Variants in TMPRSS15 observed in about 807,000 individuals in gnomAD.
TMPRSS15 encodes the protein enteropeptidase.
In TMPRSS15, 128 loss-of-function variants were observed where a neutral mutation model predicts 125.3. That is an observed-to-expected ratio of 1.02 (90% confidence interval 0.89 to 1.18). TMPRSS15 has a LOEUF of 1.18. Ranked by LOEUF, TMPRSS15 falls within the 50% of genes most tolerant of loss-of-function variation. The probability of loss-of-function intolerance (pLI) is 0.00; values close to 1 mark genes in which losing one functional copy is unlikely to be tolerated. For synonymous variants in TMPRSS15, 446 were observed against 423.2 expected (o/e 1.05, Z -0.66); for missense variants, 1,283 against 1,212.7 (o/e 1.06, Z -0.86).
intron 21 of TMPRSS15, among the ~76,000 whole-genome samples, chr21:18,284,984 A>C (rs1401130455): frequency 1.4e-5 from 2 of 144,920 alleles, no homozygotes; most frequent in Non-Finnish European, 3.0e-5. Context: ...CTGGGTGACA[A>C]GAGCAAAACT....
intron 3 of TMPRSS15, among the ~76,000 whole-genome samples, chr21:18,388,657 C>A (rs765398635): frequency 3.9e-5 from 6 of 152,128 alleles, no homozygotes; most frequent in Non-Finnish European, 7.4e-5. Context: ...GGAAATAAAT[C>A]TGAATTGATG....
chr21:18,389,916 C>T (rs142014399), intron 3 of TMPRSS15, among the ~76,000 whole-genome samples: 1,964 of 152,214 alleles, frequency 0.013, 47 homozygotes, highest in African/African-American at 0.045. Context: ...AAGTCAGGCT[C>T]ACTGTGTATC....
rs186131573 is a variant in TMPRSS15, at chr21:18,351,469, G to A, written c.1171+1434C>T. On this transcript the variant is annotated intron_variant, in intron 10 of 24. Transcript: ENST00000284885. ...GACCTGGTGGGAGTGATGGGATCAC[G>A]GGGGCAATTTTTTCAATGCCGTTCT... 5.1e-3 allele frequency among the ~76,000 whole-genome samples: 777 copies of A among 152,208 alleles called. 8 individuals are homozygous for A. Among genetic ancestry groups the A allele is most frequent in the African/African-American group, 0.018 (728 of 41,528 alleles).
chr21:18,369,808 T>C (rs143627484), intron 6 of TMPRSS15, among the ~76,000 whole-genome samples: 1 of 152,220 alleles, frequency 6.6e-6, no homozygotes, highest in East Asian at 1.9e-4. Flanking sequence ...TCATTAGGCT[T>C]GTGGGCTCAC....
chr21:18,431,900 T>A (rs2076217053), intron 1 of TMPRSS15, among the ~76,000 whole-genome samples: 1 of 152,194 alleles, frequency 6.6e-6, no homozygotes, highest in Non-Finnish European at 1.5e-5. Context: ...TTCCACATAT[T>A]GATTTCTATA....
At chr21:18,387,768 T>C (rs2075958217) in intron 3 of TMPRSS15, among the ~76,000 whole-genome samples, 1 of 152,036 alleles carries the variant, frequency 6.6e-6, no homozygotes, top group African/African-American at 2.4e-5. Flanking sequence ...TAGAATTTGA[T>C]CATATACACA....
intron 1 of TMPRSS15, among the ~76,000 whole-genome samples, chr21:18,448,461 T>G (rs2076260126): frequency 1.3e-5 from 2 of 152,278 alleles, no homozygotes; most frequent in East Asian, 3.9e-4. Flanking sequence ...GAAATAATTA[T>G]AAGATATTCC....
intron 1 of TMPRSS15, among the ~76,000 whole-genome samples, chr21:18,432,026 T>C (rs1317801920): frequency 6.6e-6 from 1 of 152,212 alleles, no homozygotes; most frequent in Non-Finnish European, 1.5e-5. Flanking sequence ...TTTCTTACAT[T>C]TATCTTCATC....
At chr21:18,288,891 T>C (rs983183186) in intron 21 of TMPRSS15, among the ~76,000 whole-genome samples, 3 of 152,124 alleles carry the variant, frequency 2.0e-5, no homozygotes, top group African/African-American at 7.2e-5. Flanking sequence ...GATATTATAG[T>C]ATTTCTTCAA....
At chr21:18,313,786 A>G (rs919001076) in intron 17 of TMPRSS15, among the ~76,000 whole-genome samples, 3 of 152,058 alleles carry the variant, frequency 2.0e-5, no homozygotes, top group African/African-American at 7.2e-5. Context: ...GCAAATAAAC[A>G]GAAAATAAAG....
At chr21:18,314,919 A>G (rs1328531965) in intron 17 of TMPRSS15, among the ~76,000 whole-genome samples, 2 of 152,168 alleles carry the variant, frequency 1.3e-5, no homozygotes, top group South Asian at 2.1e-4. Flanking sequence ...ATTACAGTTA[A>G]TAAGTGTGAC....
Position 18,269,879 on chromosome 21 carries a change from TAAA to T in TMPRSS15, c.*87_*89del. On this transcript the variant is annotated 3_prime_UTR_variant, in exon 25 of 25. Transcript: ENST00000284885. The stretch of plus-strand genomic sequence containing the variant: ...AGAATAAAAACCTTTGGTAACTTTT[TAAA>T]ATTTTTGTACGAAACACTTAATTTC... 1 of 1,528,008 alleles carries T rather than the reference TAAA, an allele frequency of 6.5e-7. No homozygotes were observed. 94.7% of individuals were successfully genotyped at this position (1,528,008 alleles called of 1,614,324 possible).
At chr21:18,385,272 G>A (rs1188786766) in intron 3 of TMPRSS15, among the ~76,000 whole-genome samples, 1 of 152,106 alleles carries the variant, frequency 6.6e-6, no homozygotes, top group Non-Finnish European at 1.5e-5. Flanking sequence ...TGTTGTCCTT[G>A]GTAATGATAC....
intron 16 of TMPRSS15, among the ~76,000 whole-genome samples, chr21:18,319,526 T>C (rs915217731): frequency 6.6e-6 from 1 of 151,462 alleles, no homozygotes; most frequent in Non-Finnish European, 1.5e-5. Context: ...CCTCCCGGGT[T>C]CAAGTGATTC....
upstream of TMPRSS15, among the ~76,000 whole-genome samples, chr21:18,405,964 G>T (rs1395405168): frequency 1.3e-5 from 2 of 152,056 alleles, no homozygotes; most frequent in African/African-American, 4.8e-5. Flanking sequence ...CTAAGCCACA[G>T]ACTTGTGTTT....
intron 1 of TMPRSS15, among the ~76,000 whole-genome samples, chr21:18,425,936 G>T (rs1193936314): frequency 6.6e-6 from 1 of 152,070 alleles, no homozygotes; most frequent in Non-Finnish European, 1.5e-5. Flanking sequence ...CATTAACATT[G>T]ATTTTATGCT....
chr21:18,344,950 G>A (rs536859608), intron 10 of TMPRSS15, among the ~76,000 whole-genome samples: 10 of 152,166 alleles, frequency 6.6e-5, no homozygotes, highest in Admixed American at 4.6e-4. Flanking sequence ...TCTCTCTTGT[G>A]CTTTGCAACA....
chr21:18,287,889 T>C (rs7283748), intron 21 of TMPRSS15, among the ~76,000 whole-genome samples: 52,632 of 152,008 alleles, frequency 0.35, 11,067 homozygotes, highest in East Asian at 0.55. Flanking sequence ...AAAGTCAATA[T>C]TACTAACCTA....
intron 1 of TMPRSS15, among the ~76,000 whole-genome samples, chr21:18,472,480 T>TATATATATATATATATATATACAC (rs1491127013): frequency 2.7e-5 from 3 of 112,330 alleles, no homozygotes; most frequent in African/African-American, 9.2e-5. Context: ...TATATATATA[T>TATATATATATATATATATATACAC]ACACACACAC....
Sources: gnomAD v4.1 joint callset for allele counts (sites outside exome capture counted in the v4.1 genomes callset) on GRCh38, gnomAD v4.1.1 for gene constraint, MANE v1.5 for transcripts, NCBI Gene and HGNC (gene_info 2026-07-23, HGNC 2026-07-21) for gene names.